The following PEMT variants were observed in gnomAD, a reference collection of about 807,000 sequenced individuals.
PEMT encodes phosphatidylethanolamine N-methyltransferase.
A neutral mutation model predicts 27.4 loss-of-function variants in PEMT; 23 were observed. The ratio of observed to expected loss-of-function variants is 0.84; its 90% CI spans 0.60 to 1.19. The LOEUF (loss-of-function observed/expected upper bound fraction) is 1.19, where lower values mean the gene tolerates loss of function less well. Ranked by LOEUF, PEMT falls within the 50% of genes most tolerant of loss-of-function variation. The pLI, the probability that PEMT is intolerant of heterozygous loss-of-function variation, is 0.00. For missense variants in PEMT, 307 were observed against 310.1 expected (o/e 0.99, Z 0.07); for synonymous variants, 137 against 139.1 (o/e 0.98, Z 0.11).
chr17:17,560,550 G>A (rs1404560761), intron 2 of PEMT, among the ~76,000 whole-genome samples: 1 of 152,208 alleles, frequency 6.6e-6, no homozygotes, highest in Non-Finnish European at 1.5e-5. Context: ...AAGCTGTGCT[G>A]TCTTCACCAC....
intron 3 of PEMT, chr17:17,518,041 G>T: frequency 2.0e-6 from 2 of 985,480 alleles, no homozygotes; most frequent in Non-Finnish European, 2.4e-6. Context: ...TCTTAGCCTG[G>T]CTGTGCCCGC....
chr17:17,532,666 C>T (rs1908183765), intron 2 of PEMT, among the ~76,000 whole-genome samples: 1 of 152,176 alleles, frequency 6.6e-6, no homozygotes, highest in Non-Finnish European at 1.5e-5. Context: ...CTGATTCTAA[C>T]ATCCATATGG....
intron 2 of PEMT, among the ~76,000 whole-genome samples, chr17:17,573,547 C>T (rs941358173): frequency 1.3e-5 from 2 of 151,786 alleles, no homozygotes; most frequent in Admixed American, 6.6e-5. Context: ...TGTAACTACC[C>T]AGCATGTACA....
At chr17:17,541,091 T>C (rs574191453) in intron 2 of PEMT, among the ~76,000 whole-genome samples, 2 of 152,344 alleles carry the variant, frequency 1.3e-5, no homozygotes, top group South Asian at 4.1e-4. Flanking sequence ...GGGTCACAGA[T>C]GCATCTGCAT....
At chr17:17,575,889 T>C (rs770119961) in intron 2 of PEMT, among the ~76,000 whole-genome samples, 10 of 152,212 alleles carry the variant, frequency 6.6e-5, no homozygotes, top group Non-Finnish European at 1.3e-4. Flanking sequence ...TCTCACCAGA[T>C]GGAGAAAAAT....
chr17:17,585,624 T>G (rs950471494), intron 1 of PEMT, among the ~76,000 whole-genome samples: 1 of 152,218 alleles, frequency 6.6e-6, no homozygotes, highest in Non-Finnish European at 1.5e-5. Flanking sequence ...CAATTGACCA[T>G]TTAAATTTAG....
chr17:17,514,683 G>A (rs1906681611), intron 3 of PEMT, among the ~76,000 whole-genome samples: 1 of 152,236 alleles, frequency 6.6e-6, no homozygotes, highest in African/African-American at 2.4e-5. Context: ...GGCTGCCATG[G>A]AATCAGGTGG....
chr17:17,531,621 C>CAAAAAAAAAAAAAAAAAAAAAAAAA (rs58165466), intron 2 of PEMT, among the ~76,000 whole-genome samples: 1 of 62,410 alleles, frequency 1.6e-5, no homozygotes, highest in Non-Finnish European at 2.9e-5. Flanking sequence ...CTATCATATG[C>CAAAAAAAAAAAAAAAAAAAAAAAAA]AAAAAAAAAA....
intron 3 of PEMT, among the ~76,000 whole-genome samples, chr17:17,514,740 C>T (rs925813537): frequency 2.0e-5 from 3 of 152,254 alleles, no homozygotes; most frequent in Non-Finnish European, 2.9e-5. Context: ...ACACCTTCTC[C>T]CCTGCCTGGC....
chr17:17,570,526 C>G, intron 2 of PEMT: 1 of 985,296 alleles, frequency 1.0e-6, no homozygotes, highest in Non-Finnish European at 1.2e-6. Context: ...TCAGAGAGGG[C>G]AGGGTGAGGA....
intron 2 of PEMT, among the ~76,000 whole-genome samples, chr17:17,529,290 G>A (rs1346123157): frequency 6.6e-6 from 1 of 152,186 alleles, no homozygotes; most frequent in South Asian, 2.1e-4. Context: ...GCTCCTTTCA[G>A]ATCTGCCCCA....
At chr17:17,563,319 T>C (rs893242395) in intron 2 of PEMT, among the ~76,000 whole-genome samples, 3 of 152,170 alleles carry the variant, frequency 2.0e-5, no homozygotes, top group South Asian at 2.1e-4. Context: ...GGTGTTGTTA[T>C]TGGTGCCAGC....
chr17:17,557,340 C>T (rs1439631901), intron 2 of PEMT, among the ~76,000 whole-genome samples: 2 of 152,190 alleles, frequency 1.3e-5, no homozygotes, highest in Non-Finnish European at 2.9e-5. Context: ...TTTCTTTGTC[C>T]CTTGCTTCAT....
chr17:17,586,635 C>T (rs1440051532), intron 1 of PEMT, among the ~76,000 whole-genome samples: 1 of 152,122 alleles, frequency 6.6e-6, no homozygotes, highest in South Asian at 2.1e-4. Context: ...CTGTGGGATG[C>T]GGCTAAGGCA....
At chr17:17,531,621 CAAAAAAAAAAAAAA>C (rs58165466) in intron 2 of PEMT, among the ~76,000 whole-genome samples, 1 of 62,410 alleles carries the variant, frequency 1.6e-5, no homozygotes, top group Admixed American at 2.5e-4. Flanking sequence ...CTATCATATG[CAAAAAAAAAAAAAA>C]AAAAAAAAAA....
rs531664347 is a variant in PEMT, at chr17:17,562,821, G to A, written c.204+14099C>T. On this transcript the variant is annotated intron_variant, in intron 2 of 6. Coordinates refer to ENST00000255389, the MANE Select transcript of PEMT (RefSeq NM_148172.3). ...AAGAGTCTGTCTCAAGAAAAAAAAA[G>A]AGAGAGAAATGCCCCCAGGTCCCAC... Among the ~76,000 whole-genome samples the A allele has an allele frequency of 1.8e-3, 278 of 152,088 alleles. 1 individual carries two copies. The highest frequency in any genetic ancestry group is 3.0e-3 in the Non-Finnish European group (207 of 67,986).
chr17:17,588,967 G>A (rs1912461325), intron 1 of PEMT, among the ~76,000 whole-genome samples: 1 of 152,208 alleles, frequency 6.6e-6, no homozygotes, highest in Non-Finnish European at 1.5e-5. Context: ...TGGGTTGTTT[G>A]TTTTTGTTTT....
intron 2 of PEMT, among the ~76,000 whole-genome samples, chr17:17,525,760 C>T (rs573452630): frequency 7.9e-5 from 12 of 152,180 alleles, no homozygotes; most frequent in Non-Finnish European, 1.3e-4. Flanking sequence ...TTTGGGAGGC[C>T]GAGGTGGGAG....
At chr17:17,528,626 C>T (rs920239219) in intron 2 of PEMT, among the ~76,000 whole-genome samples, 26 of 152,226 alleles carry the variant, frequency 1.7e-4, no homozygotes, top group Non-Finnish European at 3.8e-4. Flanking sequence ...GTGAGACGTC[C>T]CCGGGGCAGC....
Sources: gnomAD v4.1 joint callset for allele counts (sites outside exome capture counted in the v4.1 genomes callset) on GRCh38, gnomAD v4.1.1 for gene constraint, MANE v1.5 for transcripts, NCBI Gene and HGNC (gene_info 2026-07-23, HGNC 2026-07-21) for gene names.